FLYWCH1: variants seen among roughly 807,000 people sequenced by gnomAD.
FLYWCH1 encodes FLYWCH-type zinc finger-containing protein 1.
Under a neutral mutation model 66.4 loss-of-function variants are expected in FLYWCH1, and 75 were observed. That is an observed-to-expected ratio of 1.13 (90% CI 0.94 to 1.37). The LOEUF (loss-of-function observed/expected upper bound fraction) is 1.37, where lower values mean the gene tolerates loss of function less well. FLYWCH1 is among the 40% of genes most tolerant of loss of function. The pLI, the probability that FLYWCH1 is intolerant of heterozygous loss-of-function variation, is 0.00. For synonymous variants in FLYWCH1, 595 were observed against 429.9 expected, an observed-to-expected ratio of 1.38 and a Z score of -4.75; for missense variants, 1,334 against 1,001.8, an observed-to-expected ratio of 1.33 and a Z score of -4.48.
At chr16:2,944,849 G>A (rs2071415371) in intron 9 of FLYWCH1, among the ~76,000 whole-genome samples, 2 of 150,822 alleles carry the variant, frequency 1.3e-5, no homozygotes, top group East Asian at 1.9e-4. Context: ...TTTTTTAACT[G>A]TAAAACGGCC....
At chr16:2,913,758 A>G (rs2070069750) in intron 1 of FLYWCH1, among the ~76,000 whole-genome samples, 1 of 152,176 alleles carries the variant, frequency 6.6e-6, no homozygotes, top group Non-Finnish European at 1.5e-5. Context: ...CTGTGATGTC[A>G]CCATAGTGGT....
intron 9 of FLYWCH1, among the ~76,000 whole-genome samples, chr16:2,942,949 G>A (rs889871636): frequency 5.3e-5 from 8 of 151,880 alleles, no homozygotes; most frequent in East Asian, 3.9e-4. Flanking sequence ...TGATCCACCC[G>A]CCTCGGACTC....
chr16:2,942,720 C>CTTTTTT lies in FLYWCH1; in HGVS notation c.2111+2647_2111+2652dup, dbSNP rs34247000. Among the ~76,000 whole-genome samples, 164 of 82,792 alleles carry CTTTTTT rather than the reference C, an allele frequency of 2.0e-3. 7 individuals are homozygous for CTTTTTT. The highest frequency in any genetic ancestry group is 6.6e-3 in the African/African-American group (130 of 19,636). The allele number at this position is 82,792 out of a possible 152,430, so 54.3% of individuals were successfully genotyped here. A position where few individuals can be genotyped will look rare whatever the true frequency, so the allele number is the denominator to read the frequency against. On this transcript the variant is annotated intron_variant, in intron 9 of 9. Coordinates refer to ENST00000253928, the MANE Select transcript of FLYWCH1 (RefSeq NM_001308068.2). ...TTCACCCTTGGCTGGCATCTGGGAA[C>CTTTTTT]TTTTTTTTTTTTTTTTTTTTTTTTG...
intron 9 of FLYWCH1, among the ~76,000 whole-genome samples, chr16:2,946,416 G>T (rs1345254453): frequency 6.9e-6 from 1 of 145,074 alleles, no homozygotes; most frequent in African/African-American, 2.6e-5. Flanking sequence ...CCGCCTCCCA[G>T]GTTCAAGCGA....
chr16:2,927,145 T>A (rs9937853), intron 2 of FLYWCH1, among the ~76,000 whole-genome samples: 1 of 152,002 alleles, frequency 6.6e-6, no homozygotes, highest in African/African-American at 2.4e-5. Context: ...AAGCAACCCA[T>A]GGCGGTGGTG....
At chr16:2,916,033 G>A (rs887216885) in intron 2 of FLYWCH1, among the ~76,000 whole-genome samples, 1 of 151,954 alleles carries the variant, frequency 6.6e-6, no homozygotes, top group African/African-American at 2.4e-5. Context: ...GTCTCCATAA[G>A]GAAACTTAGA....
intron 2 of FLYWCH1, chr16:2,915,312 ATT>A (rs2070132846): frequency 2.0e-5 from 3 of 151,720 alleles, no homozygotes; most frequent in Non-Finnish European, 4.4e-5. Flanking sequence ...ATTTTTTTGT[ATT>A]TTTAGTAGAG....
rs540791903 is a variant in FLYWCH1, at chr16:2,915,293, G to C, written c.-74+1004G>C. The stretch of plus-strand genomic sequence containing the variant: ...AGCTGGGATTACAGGCATGCACCAC[G>C]ACCGACTAATTTTTTTGTATTTTTA... On this transcript the variant is annotated intron_variant, in intron 2 of 9. Coordinates refer to ENST00000253928, the MANE Select transcript of FLYWCH1 (RefSeq NM_001308068.2). The C allele has an allele frequency of 1.6e-3, 245 of 152,000 alleles. 2 individuals are homozygous for C. The highest frequency in any genetic ancestry group is 5.5e-3 in the African/African-American group (229 of 41,450). 9.4% of individuals were successfully genotyped at this position (152,000 alleles called of 1,614,324 possible).
chr16:2,917,683 T>C (rs2070219618), intron 2 of FLYWCH1, among the ~76,000 whole-genome samples: 1 of 152,128 alleles, frequency 6.6e-6, no homozygotes, highest in African/African-American at 2.4e-5. Flanking sequence ...GTCTTCTGTT[T>C]CCCAAGGTCA....
rs182975175 is a variant in FLYWCH1, at chr16:2,916,893, C to A, written c.-74+2604C>A. Among the ~76,000 whole-genome samples the A allele has an allele frequency of 4.6e-5, 7 of 151,722 alleles. No homozygotes were observed. The East Asian group carries it at 1.4e-3, about 30-fold the overall frequency. The stretch of plus-strand genomic sequence containing the variant: ...GGCATGGTGGCTCACTCCTGTAATC[C>A]CAGCTCTTTGGGAGGCCGAGGGGGG... On this transcript the variant is annotated intron_variant, in intron 2 of 9. Transcript: ENST00000253928.
chr16:2,935,544 C>T (rs940918931), intron 6 of FLYWCH1: 5 of 152,180 alleles, frequency 3.3e-5, no homozygotes, highest in African/African-American at 1.2e-4. Context: ...TGGAGAAGTC[C>T]TGCCTCCCGT....
At chr16:2,922,230 CGTGT>C (rs3066612) in intron 2 of FLYWCH1, 68 of 149,698 alleles carry the variant, frequency 4.5e-4, no homozygotes, top group African/African-American at 7.9e-4. Context: ...ACAGATGGCT[CGTGT>C]GTGTGTGTGT....
intron 1 of FLYWCH1, among the ~76,000 whole-genome samples, 190 bp from the exon 2 acceptor site, chr16:2,913,986 A>T (rs1424023426): frequency 6.6e-6 from 1 of 152,178 alleles, no homozygotes; most frequent in Admixed American, 6.5e-5. Flanking sequence ...CTGAGATGAC[A>T]GGTGTGAGCC....
chr16:2,922,676 G>C (rs1341514609), intron 2 of FLYWCH1: 1 of 456,994 alleles, frequency 2.2e-6, no homozygotes, highest in Non-Finnish European at 4.3e-6. Flanking sequence ...TCTCCATTTT[G>C]TTGGCCACAC....
rs1178421396 is a variant in FLYWCH1 at position 2,949,963 on chromosome 16, G to C, written c.*1236G>C. On this transcript the variant is annotated 3_prime_UTR_variant, in exon 10 of 10. Transcript: ENST00000253928. ...AGTCACCTGGCCCAGACGTAACCTGGACCAAGAGTGGACGGAGACACCTGG... is the reference window on the plus strand; with the variant it reads ...AGTCACCTGGCCCAGACGTAACCTGCACCAAGAGTGGACGGAGACACCTGG... 4.6e-5 allele frequency: 7 copies of C among 152,228 alleles called. No homozygotes were observed. The highest frequency in any genetic ancestry group is 4.4e-5 in the Non-Finnish European group (3 of 68,090). The allele number at this position is 152,228 out of a possible 1,614,324, so 9.4% of individuals were successfully genotyped here. A position where few individuals can be genotyped will look rare whatever the true frequency, so the allele number is the denominator to read the frequency against.
Position 2,929,862 on chromosome 16 carries a change from C to G in FLYWCH1, c.177C>G (p.Pro59=). ...ATGAGGATGGGGTGGGATCCAAGCCCCAGGAAGTGCACTGCGTCCTGTCCC... is the reference window on the plus strand; with the variant it reads ...ATGAGGATGGGGTGGGATCCAAGCCGCAGGAAGTGCACTGCGTCCTGTCCC... The part of the protein sequence containing the change: ...DQDEDGVGSK[P]QEVHCVLSLE... The change falls in exon 3 of 10, where the codon CCC becomes CCG. Residue 59 remains proline, a synonymous_variant. Transcript: ENST00000253928. 1 of 1,613,964 alleles carries G rather than the reference C, an allele frequency of 6.2e-7. No homozygotes were observed. The highest frequency in any genetic ancestry group is 8.5e-7 in the Non-Finnish European group (1 of 1,179,886).
rs1410220169 is a variant in FLYWCH1, at chr16:2,929,835, A to C, written c.150A>C (p.Gln50His). 3 of 1,613,834 alleles carry C rather than the reference A, an allele frequency of 1.9e-6. No homozygotes were observed. The highest frequency in any genetic ancestry group is 1.3e-5 in the African/African-American group (1 of 74,912). ...SKLVLLTASD[Q>H]DEDGVGSKPQ... The stretch of plus-strand genomic sequence containing the variant: ...TGGTGCTGCTCACAGCCTCCGACCA[A>C]GATGAGGATGGGGTGGGATCCAAGC... Residue 50 changes from glutamine to histidine, a missense_variant, in exon 3 of 10, where the codon CAA (glutamine) becomes CAC (histidine). Physicochemically the swap from Gln to His is conservative, Grantham distance 24. Transcript: ENST00000253928.
Position 2,944,471 on chromosome 16 carries a change from G to C in FLYWCH1, c.2112-4217G>C, listed in dbSNP as rs139679822. On this transcript the variant is annotated intron_variant, in intron 9 of 9. Coordinates refer to ENST00000253928, the MANE Select transcript of FLYWCH1 (RefSeq NM_001308068.2). Reference sequence around the variant, plus strand: ...GATAATGATAATAAATATGTTATTAGATTATTTACTATACTTTTTATCATT... The same window carrying C: ...GATAATGATAATAAATATGTTATTACATTATTTACTATACTTTTTATCATT... Among the ~76,000 whole-genome samples the C allele has an allele frequency of 2.0e-5, 3 of 151,478 alleles. No homozygotes were observed. The East Asian group carries it at 5.8e-4, about 29-fold the overall frequency.
chr16:2,936,360 C>T, intron 6 of FLYWCH1: 1 of 456,212 alleles, frequency 2.2e-6, no homozygotes, highest in South Asian at 1.6e-5. Flanking sequence ...CCCTCAGGGT[C>T]CTCCTGCCTC....
Sources: allele counts gnomAD v4.1 joint callset (sites outside exome capture counted in the v4.1 genomes callset), GRCh38; gene constraint gnomAD v4.1.1; transcripts MANE v1.5; gene names NCBI Gene and HGNC (gene_info 2026-07-23, HGNC 2026-07-21).